The following CRACDL variants were observed in gnomAD, a reference collection of about 807,000 sequenced individuals.
CRACDL encodes CRACD like.
Under a neutral mutation model 70.6 loss-of-function variants are expected in CRACDL, and 26 were observed. The observed-to-expected ratio is 0.37, with a 90% CI of 0.27 to 0.51. The LOEUF (loss-of-function observed/expected upper bound fraction) is 0.51, where lower values mean the gene tolerates loss of function less well. Ranked by LOEUF, CRACDL falls within the 20% of genes least tolerant of loss-of-function variation. CRACDL has a pLI of 0.94. For missense variants in CRACDL, 1,283 were observed against 1,376.9 expected (o/e 0.93, Z 1.08); for synonymous variants, 618 against 615.2 (o/e 1.00, Z -0.07).
intron 1 of CRACDL, among the ~76,000 whole-genome samples, chr2:98,851,726 C>T (rs1314686290): frequency 3.3e-5 from 5 of 152,102 alleles, no homozygotes; most frequent in African/African-American, 1.2e-4. Flanking sequence ...AACATAGATT[C>T]TAAACTCCAG....
intron 1 of CRACDL, among the ~76,000 whole-genome samples, chr2:98,891,172 A>G (rs140678393): frequency 0.026 from 3,943 of 151,956 alleles, 213 homozygotes; most frequent in Admixed American, 0.12. Context: ...TGAGGTCAGT[A>G]GTTCAATACC....
chr2:98,820,974 A>G (rs1705001824), intron 7 of CRACDL, among the ~76,000 whole-genome samples: 1 of 152,248 alleles, frequency 6.6e-6, no homozygotes, highest in Non-Finnish European at 1.5e-5. Context: ...GCCCTGAAAG[A>G]ACCTGCATCA....
At chr2:98,871,193 A>T (rs1028787949) in intron 1 of CRACDL, among the ~76,000 whole-genome samples, 23 of 152,346 alleles carry the variant, frequency 1.5e-4, no homozygotes, top group African/African-American at 5.5e-4. Context: ...CCAAACGAAA[A>T]GGTCAGTGAC....
chr2:98,891,791 G>C (rs1240761087), intron 1 of CRACDL, among the ~76,000 whole-genome samples: 2 of 152,032 alleles, frequency 1.3e-5, no homozygotes, highest in African/African-American at 4.8e-5. Context: ...AATAAAGTTG[G>C]AAGGCATGAG....
chr2:98,802,091 C>G (rs1220252251), intron 7 of CRACDL, among the ~76,000 whole-genome samples: 1 of 152,258 alleles, frequency 6.6e-6, no homozygotes, highest in Non-Finnish European at 1.5e-5. Context: ...CCACGGGTTC[C>G]AGCAGACCAT....
chr2:98,821,887 C>T lies in CRACDL; in HGVS notation c.2386G>A (p.Ala796Thr), dbSNP rs761973568. 16 of 1,604,424 alleles carry T rather than the reference C, an allele frequency of 1.0e-5. No homozygotes were observed. Among genetic ancestry groups the T allele is most frequent in the South Asian group, 3.3e-5 (3 of 90,132 alleles). ...EREPRKEPRT[A>T]EKRPLRRGAE... ...CCCCTGCGCAGCGGCCTTTTCTCCG[C>T]CGTCCTGGGCTCCTTCCTGGGTTCC... Residue 796 changes from alanine (A) to threonine (T), a missense_variant, in exon 7 of 10, where the codon GCG becomes ACG. Physicochemically the swap from Ala to Thr is moderately conservative, Grantham distance 58. Around this residue, in one of 2 missense-constraint regions of CRACDL, gnomAD observed 921 missense variants for 881.9 expected, o/e 1.04. Transcript: ENST00000397899.
At chr2:98,930,233 C>T (rs147264301) in intron 1 of CRACDL, among the ~76,000 whole-genome samples, 5 of 152,228 alleles carry the variant, frequency 3.3e-5, no homozygotes, top group Admixed American at 1.3e-4. Context: ...GTGGGGAAGG[C>T]GGATGCTGCA....
intron 7 of CRACDL, among the ~76,000 whole-genome samples, chr2:98,821,535 A>T (rs555924735): frequency 5.3e-5 from 8 of 152,212 alleles, no homozygotes; most frequent in Non-Finnish European, 1.0e-4. Flanking sequence ...GCCACACTGG[A>T]AGAATTGCCT....
intron 1 of CRACDL, among the ~76,000 whole-genome samples, chr2:98,895,785 C>T (rs993833546): frequency 9.2e-5 from 14 of 152,214 alleles, no homozygotes; most frequent in Non-Finnish European, 7.4e-5. Context: ...CCTCAAAATT[C>T]GTGTGTTGAA....
At chr2:98,901,793 G>C (rs1043804459) in intron 1 of CRACDL, among the ~76,000 whole-genome samples, 4 of 152,190 alleles carry the variant, frequency 2.6e-5, no homozygotes, top group African/African-American at 7.2e-5. Context: ...ATGCCAGTGA[G>C]TATTAACAAC....
In CRACDL at chr2:98,795,073, A is replaced by ATTTTT. The variant is rs1468056572; in HGVS notation, c.2750-403_2750-402insAAAAA. On this transcript the variant is annotated intron_variant, in intron 9 of 9. Coordinates refer to ENST00000397899, the MANE Select transcript of CRACDL (RefSeq NM_207362.3). The stretch of plus-strand genomic sequence containing the variant: ...TATATATATATATATATATATATAT[A>ATTTTT]TATATTTTTTTTTTTTTTTGAGACA... 1.5e-3 allele frequency among the ~76,000 whole-genome samples: 30 copies of ATTTTT among 20,084 alleles called. 2 individuals carry two copies. Among genetic ancestry groups the ATTTTT allele is most frequent in the East Asian group, 4.7e-3 (4 of 852 alleles). 13.2% of individuals were successfully genotyped at this position (20,084 alleles called of 152,430 possible).
At chr2:98,907,435 T>C (rs1415484838) in intron 1 of CRACDL, among the ~76,000 whole-genome samples, 1 of 151,960 alleles carries the variant, frequency 6.6e-6, no homozygotes, top group Non-Finnish European at 1.5e-5. Context: ...CCTCAAAGAG[T>C]TGTTCCCTGT....
At chr2:98,910,898 A>C (rs72813032) in intron 1 of CRACDL, among the ~76,000 whole-genome samples, 249 of 152,314 alleles carry the variant, frequency 1.6e-3, no homozygotes, top group Non-Finnish European at 2.7e-3. Context: ...TGTTGAGCTC[A>C]AGGTTGCAGG....
chr2:98,822,512 G>A lies in CRACDL; in HGVS notation c.1761C>T (p.Val587=). ...CGCTGGCCCGTTCCAGCGGGCGGGA[G>A]ACGCCCGGACGAGGCCGCGCTCGGC... ...SSCRARPRPG[V]SRPLERASGR... Residue 587 remains valine, a synonymous_variant, in exon 7 of 10, where the codon GTC becomes GTT. Transcript: ENST00000397899. The surrounding 1 kb of genome is among the most constrained non-coding windows in gnomAD (Gnocchi z 4.9). 6.9e-7 allele frequency: 1 copy of A among 1,457,630 alleles called. No homozygotes were observed. The highest frequency in any genetic ancestry group is 2.7e-5 in the Admixed American group (1 of 37,658). 90.3% of individuals were successfully genotyped at this position (1,457,630 alleles called of 1,614,324 possible).
chr2:98,873,497 G>A (rs1707404623), intron 1 of CRACDL, among the ~76,000 whole-genome samples: 1 of 152,212 alleles, frequency 6.6e-6, no homozygotes, highest in Non-Finnish European at 1.5e-5. Flanking sequence ...TGACCCCAGG[G>A]TGGGAACAGA....
At position 98,823,626 on chromosome 2, in the gene CRACDL, T is replaced by C; in HGVS notation, c.736-89A>G. 1 of 1,473,094 alleles carries C rather than the reference T, an allele frequency of 6.8e-7. No homozygotes were observed. The highest frequency in any genetic ancestry group is 9.2e-7 in the Non-Finnish European group (1 of 1,091,234). The allele number at this position is 1,473,094 out of a possible 1,614,324, so 91.3% of individuals were successfully genotyped here. On this transcript the variant is annotated intron_variant, in intron 6 of 9. Transcript: ENST00000397899. This position sits in a 1 kb window ranked among gnomAD's most constrained non-coding sequence, Gnocchi z 4.0. ...CCACTTTTTTCAAGGCTTATAATGG[T>C]TTAGTGATAGCAGCACTATAAAGCT...
chr2:98,892,417 G>A (rs529792338), intron 1 of CRACDL, among the ~76,000 whole-genome samples: 4 of 152,116 alleles, frequency 2.6e-5, no homozygotes, highest in East Asian at 1.9e-4. Flanking sequence ...CAGGCCAGGC[G>A]TAGTGGCTCA....
chr2:98,912,711 A>G (rs1708573283), intron 1 of CRACDL: 1 of 152,396 alleles, frequency 6.6e-6, no homozygotes, highest in Non-Finnish European at 1.5e-5. Context: ...GCTCCCTGCC[A>G]CCCGCACAAG....
chr2:98,885,699 T>C (rs886294540), intron 1 of CRACDL, among the ~76,000 whole-genome samples: 4 of 152,158 alleles, frequency 2.6e-5, no homozygotes, highest in Admixed American at 2.0e-4. Context: ...TTTCAAGCAA[T>C]GGAACTGAGA....
Sources: allele counts gnomAD v4.1 joint callset (sites outside exome capture counted in the v4.1 genomes callset), GRCh38; gene constraint gnomAD v4.1.1; regional missense constraint gnomAD v4.1.1; non-coding constraint Gnocchi (gnomAD v3.1); transcripts MANE v1.5; gene names NCBI Gene and HGNC (gene_info 2026-07-23, HGNC 2026-07-21).